The following C6orf120 variants were observed in gnomAD, a reference collection of about 807,000 sequenced individuals.
The protein encoded by C6orf120 is chromosome 6 open reading frame 120.
For missense variants in C6orf120, 311 were observed against 264.2 expected, an observed-to-expected ratio of 1.18 and a Z score of -1.23; for synonymous variants, 165 against 123.1, an observed-to-expected ratio of 1.34 and a Z score of -2.25.
At chr6:169,702,825 C>T (rs755156336) in exon 1 of C6orf120, 25 of 1,612,456 alleles carry the variant, frequency 1.6e-5, no homozygotes, top group Non-Finnish European at 2.1e-5. Flanking sequence ...ATGGACACCC[C>T]TCCCACCTGG....
chr6:169,702,338 C>T, exon 1 of C6orf120: 1 of 652,022 alleles, frequency 1.5e-6, no homozygotes, highest in South Asian at 1.9e-5. Context: ...AGCGACAGAC[C>T]AGGCGCCTGG....
chr6:169,703,796 G>C (rs1788622722), exon 1 of C6orf120: 1 of 537,250 alleles, frequency 1.9e-6, no homozygotes, highest in Non-Finnish European at 3.3e-6. Context: ...TTTTTGGAGT[G>C]AGCCAAGGTT....
At chr6:169,702,619 T>TACAGCTACCTGCGGCTGAACC (rs1467735606) in exon 1 of C6orf120, 1 of 1,613,352 alleles carries the variant, frequency 6.2e-7, no homozygotes, top group East Asian at 2.2e-5. Flanking sequence ...CGCCGGGAAC[T>TACAGCTACCTGCGGCTGAACC]ACAGCTACCT....
At chr6:169,702,155 G>C (rs776932913), upstream of C6orf120, 13 of 620,038 alleles carry the variant, frequency 2.1e-5, no homozygotes, top group Middle Eastern at 2.5e-4. Flanking sequence ...CTCCGGCCTC[G>C]GGTCCGGATG....
downstream of C6orf120, chr6:169,705,097 C>G: frequency 6.6e-7 from 1 of 1,519,828 alleles, no homozygotes; most frequent in Non-Finnish European, 8.9e-7. Context: ...AGTCTCATCA[C>G]CCAAAGATAA....
exon 1 of C6orf120, chr6:169,702,876 C>A: frequency 6.2e-7 from 1 of 1,612,052 alleles, no homozygotes; most frequent in Middle Eastern, 1.6e-4. Context: ...ACGGCACGGT[C>A]GAGCAGCACC....
At chr6:169,705,576 T>TA (rs772564261), downstream of C6orf120, 3 of 1,033,390 alleles carry the variant, frequency 2.9e-6, no homozygotes, top group South Asian at 2.5e-5. Context: ...AACCAATAAA[T>TA]ACGGTGGTTA....
chr6:169,703,000 A>G, exon 1 of C6orf120: 1 of 1,572,760 alleles, frequency 6.4e-7, no homozygotes, highest in South Asian at 1.2e-5. Flanking sequence ...GATATTAATT[A>G]GCATTTTGAA....
At position 169,704,254 on chromosome 6, in the gene C6orf120, TAATC is replaced by T. The variant is rs753090256; in HGVS notation, c.*1223_*1226del. 3.1e-5 allele frequency: 17 copies of T among 544,552 alleles called. 1 individual carries two copies. The highest frequency in any genetic ancestry group is 9.2e-4 in the Middle Eastern group (2 of 2,166). The allele number at this position is 544,552 out of a possible 1,614,324, so 33.7% of individuals were successfully genotyped here. A position where few individuals can be genotyped will look rare whatever the true frequency, so the allele number is the denominator to read the frequency against. The stretch of plus-strand genomic sequence containing the variant: ...TTAATTTAAGGAAAAAATGTAAACT[TAATC>T]AATGTAATCAATGCCATGCAAAATT... On this transcript the variant is annotated 3_prime_UTR_variant, in exon 1 of 1. Coordinates refer to ENST00000332290, the Ensembl canonical transcript of C6orf120.
downstream of C6orf120, chr6:169,705,319 G>A: frequency 6.2e-7 from 1 of 1,600,690 alleles, no homozygotes; most frequent in Non-Finnish European, 8.5e-7. Context: ...CAAGAAGGAT[G>A]GCCTAAATCA....
downstream of C6orf120, chr6:169,705,710 T>C (rs776402928): frequency 1.3e-6 from 2 of 1,568,962 alleles, no homozygotes; most frequent in Non-Finnish European, 1.8e-6. Flanking sequence ...ATATAGCATT[T>C]GGAATGACCT....
chr6:169,702,498 G>T (rs773576111), exon 1 of C6orf120: 2 of 1,592,446 alleles, frequency 1.3e-6, no homozygotes, highest in Non-Finnish European at 1.7e-6. Flanking sequence ...CCTGGACGAC[G>T]GCCCTGCTGC....
At chr6:169,704,198 A>G (rs774744763) in exon 1 of C6orf120, 54 of 764,668 alleles carry the variant, frequency 7.1e-5, no homozygotes, top group Non-Finnish European at 1.0e-4. Flanking sequence ...TCCTCTCTGG[A>G]TTTTGTGGTG....
chr6:169,702,521 C>T (rs907908796), exon 1 of C6orf120: 5 of 1,609,550 alleles, frequency 3.1e-6, no homozygotes, highest in African/African-American at 2.7e-5. Flanking sequence ...CTCCTAGCCT[C>T]GCAGGTCCTG....
downstream of C6orf120, among the ~76,000 whole-genome samples, chr6:169,706,275 T>G (rs1788781101): frequency 6.6e-6 from 1 of 152,168 alleles, no homozygotes; most frequent in Admixed American, 6.5e-5. Context: ...ATGCATACAT[T>G]GGCGTGTACA....
downstream of C6orf120, chr6:169,705,583 G>A: frequency 9.0e-7 from 1 of 1,111,070 alleles, no homozygotes; most frequent in Non-Finnish European, 1.4e-6. Context: ...AAATACGGTG[G>A]TTAAAATTTT....
At chr6:169,703,051 CTG>C in exon 1 of C6orf120, 4 of 1,541,468 alleles carry the variant, frequency 2.6e-6, no homozygotes, top group Non-Finnish European at 3.5e-6. Flanking sequence ...TGACCACACT[CTG>C]GGATATAAAA....
exon 1 of C6orf120, chr6:169,702,190 A>C: frequency 1.5e-6 from 1 of 665,134 alleles, no homozygotes; most frequent in Admixed American, 2.1e-5. Context: ...CCCTGCGGGG[A>C]GTGGTGGTGA....
At chr6:169,705,902 G>T (rs9371169), downstream of C6orf120, among the ~76,000 whole-genome samples, 2 of 152,184 alleles carry the variant, frequency 1.3e-5, no homozygotes, top group East Asian at 3.9e-4. Flanking sequence ...ACTGAAGAAA[G>T]CATTAATTTC....
Sources: allele counts gnomAD v4.1 joint callset (sites outside exome capture counted in the v4.1 genomes callset), GRCh38; gene constraint gnomAD v4.1.1; transcripts MANE v1.5; gene names NCBI Gene and HGNC (gene_info 2026-07-23, HGNC 2026-07-21).